Variants in VAV2 observed in about 807,000 individuals in gnomAD.
VAV2 encodes the protein vav guanine nucleotide exchange factor 2.
VAV2 carries 67 observed loss-of-function variants against 132.5 expected under a neutral mutation model. The observed-to-expected ratio is 0.51, with a 90% CI of 0.42 to 0.62. The LOEUF is 0.62. VAV2 is among the 20% of genes least tolerant of loss of function. VAV2 has a pLI of 0.00. For synonymous variants in VAV2, 492 were observed against 443.5 expected (o/e 1.11, Z -1.37); for missense variants, 938 against 1,153.6 (o/e 0.81, Z 2.71).
chr9:133,874,989 C>T (rs1444949299), intron 2 of VAV2, among the ~76,000 whole-genome samples: 1 of 152,170 alleles, frequency 6.6e-6, no homozygotes, highest in East Asian at 1.9e-4. Context: ...TGCGTCTCAT[C>T]CAAGGCCCCA....
chr9:133,972,344 T>C (rs12337236), intron 1 of VAV2, among the ~76,000 whole-genome samples: 1,776 of 152,172 alleles, frequency 0.012, 43 homozygotes, highest in African/African-American at 0.041. Flanking sequence ...TCTAAGAACA[T>C]CTCCAGGCTT....
intron 2 of VAV2, among the ~76,000 whole-genome samples, chr9:133,914,468 C>G (rs958170091): frequency 1.3e-5 from 2 of 149,544 alleles, no homozygotes; most frequent in African/African-American, 5.0e-5. Context: ...ACTTAGTGAG[C>G]CTGGAGGACA....
chr9:133,885,172 TC>T lies in VAV2; in HGVS notation c.322-23741del, dbSNP rs1343789013. Among the ~76,000 whole-genome samples, 3 of 152,160 alleles carry T rather than the reference TC, an allele frequency of 2.0e-5. No individual in the cohort carries two copies. Among genetic ancestry groups the T allele is most frequent in the Non-Finnish European group, 4.4e-5 (3 of 68,028 alleles). ...TCTCTGAACCAGTGACTTCATTTGCTCCAGTGTCCTGCGATTGATTCTTCTG... is the reference window on the plus strand; with the variant it reads ...TCTCTGAACCAGTGACTTCATTTGCTCAGTGTCCTGCGATTGATTCTTCTG... On this transcript the variant is annotated intron_variant, in intron 2 of 29. Coordinates refer to ENST00000371850, the MANE Select transcript of VAV2 (RefSeq NM_001134398.2). This position sits in a 1 kb window ranked among gnomAD's most constrained non-coding sequence, Gnocchi z 5.0.
chr9:133,895,293 C>T (rs573987929), intron 2 of VAV2, among the ~76,000 whole-genome samples: 1 of 150,104 alleles, frequency 6.7e-6, no homozygotes, highest in Admixed American at 6.6e-5. Context: ...GGAGGCCTGG[C>T]GGGGCTGGGG....
chr9:133,834,269 T>C lies in VAV2; in HGVS notation c.449+3A>G. On this transcript the variant is annotated splice_donor_region_variant and intron_variant, in intron 4 of 29. Coordinates refer to ENST00000371850, the MANE Select transcript of VAV2 (RefSeq NM_001134398.2). The surrounding 1 kb of genome is among the most constrained non-coding windows in gnomAD (Gnocchi z 5.9). The stretch of plus-strand genomic sequence containing the variant: ...CATCCCTCCTCCCATCCCCCCGCCT[T>C]ACTCGGCCAGCTCCTCCAGGCTGCG... 5 of 1,609,404 alleles carry C rather than the reference T, an allele frequency of 3.1e-6. No homozygotes were observed. In the South Asian group the frequency reaches 4.4e-5, roughly 14 times the overall value.
chr9:133,838,145 C>A (rs1413905507), intron 3 of VAV2, among the ~76,000 whole-genome samples: 1 of 152,060 alleles, frequency 6.6e-6, no homozygotes, highest in Non-Finnish European at 1.5e-5. Flanking sequence ...CCCCACAGCC[C>A]TCCATGCCCA....
intron 1 of VAV2, among the ~76,000 whole-genome samples, chr9:133,960,805 GGAA>G (rs974469982): frequency 2.0e-5 from 3 of 152,304 alleles, no homozygotes; most frequent in East Asian, 1.9e-4. Flanking sequence ...CCTCCCTGAG[GGAA>G]GAAGAACTCT....
Position 133,853,625 on chromosome 9 carries a change from C to T in VAV2, c.380+7749G>A, listed in dbSNP as rs142334209. ...ACAGCCAACCCACACATGCCGCCCC[C>T]CTTTGCTGCACCAAAGCGCTTCCCC... On this transcript the variant is annotated intron_variant, in intron 3 of 29. Transcript: ENST00000371850. Among the ~76,000 whole-genome samples the T allele has an allele frequency of 3.9e-5, 6 of 152,216 alleles. 1 individual carries two copies. In the Middle Eastern group the frequency reaches 0.017, roughly 431 times the overall value.
intron 3 of VAV2, among the ~76,000 whole-genome samples, chr9:133,843,718 G>T (rs1207565388): frequency 6.6e-6 from 1 of 152,230 alleles, no homozygotes; most frequent in Non-Finnish European, 1.5e-5. Flanking sequence ...AGGCAGCCCG[G>T]GCAGGGGGTA....
intron 2 of VAV2, among the ~76,000 whole-genome samples, chr9:133,907,589 G>A (rs779260638): frequency 9.9e-5 from 15 of 152,230 alleles, no homozygotes; most frequent in Non-Finnish European, 1.9e-4. Context: ...GATGTTTTAG[G>A]GGATGGGAGA....
At chr9:133,807,381 G>T in intron 7 of VAV2, 55 bp from the exon 8 acceptor site, 1 of 1,527,362 alleles carries the variant, frequency 6.5e-7, no homozygotes. Context: ...ACCCTCTCAA[G>T]GTCACAGCTG....
chr9:133,836,840 C>T (rs1032145277), intron 3 of VAV2, among the ~76,000 whole-genome samples: 4 of 152,200 alleles, frequency 2.6e-5, no homozygotes, highest in African/African-American at 7.2e-5. Context: ...AGCACACACG[C>T]GTGCCTCTCA....
At chr9:133,951,640 C>G (rs541311550) in intron 1 of VAV2, among the ~76,000 whole-genome samples, 1 of 152,214 alleles carries the variant, frequency 6.6e-6, no homozygotes, top group East Asian at 1.9e-4. Context: ...GTTTCCTCAC[C>G]TGTCAAGCAG....
chr9:133,952,050 G>C (rs2132183030), intron 1 of VAV2, among the ~76,000 whole-genome samples: 1 of 152,120 alleles, frequency 6.6e-6, no homozygotes, highest in East Asian at 1.9e-4. Flanking sequence ...TCTTAAAAGG[G>C]ACCATCCTAT....
chr9:133,892,566 C>T lies in VAV2; in HGVS notation c.322-31134G>A, dbSNP rs755471575. Among the ~76,000 whole-genome samples the T allele has an allele frequency of 2.7e-4, 41 of 152,190 alleles. 1 individual carries two copies. The Middle Eastern group carries it at 0.01, about 38-fold the overall frequency. On this transcript the variant is annotated intron_variant, in intron 2 of 29. Transcript: ENST00000371850. ...CAATCCCTGGGCCCCATGCAGGGCTCGGCCAAAGGGCAGCCGAGCACCTAA... is the reference window on the plus strand; with the variant it reads ...CAATCCCTGGGCCCCATGCAGGGCTTGGCCAAAGGGCAGCCGAGCACCTAA...
intron 2 of VAV2, among the ~76,000 whole-genome samples, chr9:133,924,295 G>A (rs1022267690): frequency 1.3e-5 from 2 of 152,064 alleles, no homozygotes; most frequent in Admixed American, 6.5e-5. Context: ...CCATCCTCCT[G>A]CCTTAGCCTC....
chr9:133,875,506 G>C (rs761526881), intron 2 of VAV2, among the ~76,000 whole-genome samples: 1 of 152,186 alleles, frequency 6.6e-6, no homozygotes, highest in Non-Finnish European at 1.5e-5. Context: ...TGAGCAGCTC[G>C]AAGTGAGGGC....
At chr9:133,810,534 T>C (rs1835320623) in intron 5 of VAV2, among the ~76,000 whole-genome samples, 1 of 152,240 alleles carries the variant, frequency 6.6e-6, no homozygotes, top group African/African-American at 2.4e-5. Context: ...GCAGCTGTTT[T>C]ATCTCAGAGG....
chr9:133,843,896 C>T (rs899489936), intron 3 of VAV2, among the ~76,000 whole-genome samples: 1 of 152,088 alleles, frequency 6.6e-6, no homozygotes, highest in Non-Finnish European at 1.5e-5. Flanking sequence ...GGCACTGAGG[C>T]ACAACCACTG....
Sources: allele counts gnomAD v4.1 joint callset (sites outside exome capture counted in the v4.1 genomes callset), GRCh38; gene constraint gnomAD v4.1.1; non-coding constraint Gnocchi (gnomAD v3.1); transcripts MANE v1.5; gene names NCBI Gene and HGNC (gene_info 2026-07-23, HGNC 2026-07-21).